The following PLD5 variants were observed in gnomAD, a reference collection of about 807,000 sequenced individuals.
PLD5 encodes inactive phospholipase D5.
PLD5 carries 36 observed loss-of-function variants against 61.1 expected under a neutral mutation model. That is an observed-to-expected ratio of 0.59 (90% CI 0.45 to 0.78). The LOEUF is 0.78. PLD5 is among the 30% of genes least tolerant of loss of function. The pLI is 0.00. For missense variants in PLD5, 515 were observed against 644.4 expected, an observed-to-expected ratio of 0.80 and a Z score of 2.17; for synonymous variants, 243 against 242.8, an observed-to-expected ratio of 1.00 and a Z score of -0.01.
At chr1:242,119,729 A>G (rs773327277) in intron 6 of PLD5, among the ~76,000 whole-genome samples, 3 of 152,196 alleles carry the variant, frequency 2.0e-5, no homozygotes, top group African/African-American at 7.2e-5. Context: ...TGCTGGTGGG[A>G]TTGTAAAATG....
intron 1 of PLD5, among the ~76,000 whole-genome samples, chr1:242,396,536 T>A (rs1423312420): frequency 6.6e-6 from 1 of 152,158 alleles, no homozygotes; most frequent in Non-Finnish European, 1.5e-5. Context: ...GTCAAGGTTA[T>A]GAACAACCTC....
intron 9 of PLD5, among the ~76,000 whole-genome samples, chr1:242,100,408 A>G (rs1660592236): frequency 6.6e-6 from 1 of 152,204 alleles, no homozygotes; most frequent in South Asian, 2.1e-4. Flanking sequence ...AATGAGGCAA[A>G]TGGACCAGAA....
intron 1 of PLD5, among the ~76,000 whole-genome samples, chr1:242,380,519 C>G (rs1662214828): frequency 6.6e-6 from 1 of 152,170 alleles, no homozygotes; most frequent in South Asian, 2.1e-4. Flanking sequence ...CCCAAACCCT[C>G]TCAAAGCACA....
chr1:242,318,319 C>T (rs116701109), intron 2 of PLD5, among the ~76,000 whole-genome samples: 225 of 152,260 alleles, frequency 1.5e-3, no homozygotes, highest in African/African-American at 4.9e-3. Context: ...TGAGTCCCGC[C>T]GTGTTCCTCC....
intron 5 of PLD5, among the ~76,000 whole-genome samples, chr1:242,204,793 A>G (rs1488231177): frequency 2.6e-5 from 4 of 152,178 alleles, no homozygotes; most frequent in Admixed American, 2.6e-4. Context: ...TGGGTCATAT[A>G]ACGATTAAGG....
At chr1:242,251,892 G>A (rs1672724781) in intron 4 of PLD5, among the ~76,000 whole-genome samples, 1 of 152,202 alleles carries the variant, frequency 6.6e-6, no homozygotes, top group Admixed American at 6.5e-5. Flanking sequence ...AAAGGAGATG[G>A]AGATGCATGT....
intron 1 of PLD5, among the ~76,000 whole-genome samples, chr1:242,393,765 T>G (rs1572048822): frequency 1.4e-5 from 2 of 143,570 alleles, no homozygotes; most frequent in Non-Finnish European, 3.0e-5. Flanking sequence ...TATGAGTATA[T>G]AAGTATTTTT....
At chr1:242,231,983 A>G (rs1431257836) in intron 4 of PLD5, among the ~76,000 whole-genome samples, 1 of 151,780 alleles carries the variant, frequency 6.6e-6, no homozygotes, top group East Asian at 1.9e-4. Context: ...TGACCAATGT[A>G]AGCAAAAATG....
chr1:242,124,591 A>G lies in PLD5; in HGVS notation c.810T>C (p.Tyr270=), dbSNP rs371417144. 10 of 1,613,784 alleles carry G rather than the reference A, an allele frequency of 6.2e-6. No individual in the cohort carries two copies. In the African/African-American group the frequency reaches 1.3e-4, roughly 22 times the overall value. The change falls in exon 6 of 10, where the codon TAT becomes TAC. Residue 270 remains tyrosine (Y), a synonymous_variant. Coordinates refer to ENST00000536534, the MANE Select transcript of PLD5 (RefSeq NM_001372062.1). The stretch of plus-strand genomic sequence containing the variant: ...CTCTGCTTTTGAATTTTAATGAACT[A>G]TATAGAGCAAATATCCTTTGTAAAT... ...VLDLQRIFAL[Y]SSLKFKSRVP...
At chr1:242,490,111 T>C (rs10926752) in intron 1 of PLD5, among the ~76,000 whole-genome samples, 77,326 of 152,056 alleles carry the variant, frequency 0.51, 20,214 homozygotes, top group African/African-American at 0.62. Flanking sequence ...GGAACTGTGA[T>C]ATCCATGAGT....
rs746528505 is a variant in PLD5 at position 242,394,256 on chromosome 1, ATATGAG to A, written c.190-46020_190-46015del. On this transcript the variant is annotated intron_variant, in intron 1 of 9. Transcript: ENST00000536534. Reference sequence around the variant, plus strand: ...TATATGAGTATATATATGTGTATATATATGAGTATGAGTATATATATGTGTATATAT... The same window carrying A: ...TATATGAGTATATATATGTGTATATATATGAGTATATATATGTGTATATAT... Among the ~76,000 whole-genome samples the A allele has an allele frequency of 5.7e-4, 50 of 88,244 alleles. 12 individuals carry two copies. In the East Asian group the frequency reaches 9.6e-3, roughly 17 times the overall value. 57.9% of individuals were successfully genotyped at this position (88,244 alleles called of 152,430 possible).
chr1:242,376,320 G>C (rs373665256), intron 1 of PLD5, among the ~76,000 whole-genome samples: 2 of 152,060 alleles, frequency 1.3e-5, no homozygotes, highest in African/African-American at 4.8e-5. Context: ...AACACCCTTC[G>C]GCGTGGCCTG....
intron 1 of PLD5, among the ~76,000 whole-genome samples, chr1:242,488,826 G>C (rs1455142033): frequency 6.6e-6 from 1 of 152,142 alleles, no homozygotes; most frequent in East Asian, 1.9e-4. Flanking sequence ...GAAGCTGTCA[G>C]GGAAGGGATG....
At chr1:242,384,894 G>T (rs767263126) in intron 1 of PLD5, among the ~76,000 whole-genome samples, 5 of 152,154 alleles carry the variant, frequency 3.3e-5, no homozygotes, top group Non-Finnish European at 7.3e-5. Flanking sequence ...GTTCATATGG[G>T]ATTCTTGCTA....
At chr1:242,347,511 A>G (rs186834058) in intron 2 of PLD5, among the ~76,000 whole-genome samples, 1 of 152,290 alleles carries the variant, frequency 6.6e-6, no homozygotes, top group African/African-American at 2.4e-5. Context: ...TTGAGACTAC[A>G]CTGTGATGTC....
At chr1:242,174,852 G>A (rs1187540953) in intron 5 of PLD5, among the ~76,000 whole-genome samples, 2 of 151,994 alleles carry the variant, frequency 1.3e-5, no homozygotes, top group South Asian at 2.1e-4. Flanking sequence ...TGAACAATGA[G>A]AACACCTGGA....
chr1:242,410,914 C>T (rs949767456), intron 1 of PLD5, among the ~76,000 whole-genome samples: 1 of 150,272 alleles, frequency 6.7e-6, no homozygotes, highest in Admixed American at 6.6e-5. Flanking sequence ...GAGTGTTGGA[C>T]AGAATTTCAT....
rs376344064 is a variant in PLD5 at position 242,117,748 on chromosome 1, C to A, written c.934-3722G>T. Among the ~76,000 whole-genome samples, 6 of 152,256 alleles carry A rather than the reference C, an allele frequency of 3.9e-5. No homozygotes were observed. In the East Asian group the frequency reaches 9.6e-4, roughly 24 times the overall value. The stretch of plus-strand genomic sequence containing the variant: ...CCCTGTACTCCCATACTATTTATTT[C>A]TTTTGCTTTTTTCTTTTTTTACCAT... On this transcript the variant is annotated intron_variant, in intron 6 of 9. Transcript: ENST00000536534.
At chr1:242,358,303 A>G (rs1176874651) in intron 1 of PLD5, among the ~76,000 whole-genome samples, 1 of 151,984 alleles carries the variant, frequency 6.6e-6, no homozygotes, top group Non-Finnish European at 1.5e-5. Flanking sequence ...TGATTTCTCA[A>G]ATCTGTGTAA....
Sources: allele counts gnomAD v4.1 joint callset (sites outside exome capture counted in the v4.1 genomes callset), GRCh38; gene constraint gnomAD v4.1.1; transcripts MANE v1.5; gene names NCBI Gene and HGNC (gene_info 2026-07-23, HGNC 2026-07-21).